The following FRZB variants were observed in gnomAD, a reference collection of about 807,000 sequenced individuals.
The protein encoded by FRZB is frizzled related protein, also known as secreted frizzled-related protein 3.
Under a neutral mutation model 32.5 loss-of-function variants are expected in FRZB, and 34 were observed. The observed-to-expected ratio is 1.05, with a 90% confidence interval of 0.80 to 1.39. FRZB has a LOEUF of 1.39. FRZB is among the 40% of genes most tolerant of loss of function. The pLI, the probability that FRZB is intolerant of heterozygous loss-of-function variation, is 0.00. For missense variants in FRZB, 423 were observed against 424.8 expected (o/e 1.00, Z 0.04); for synonymous variants, 170 against 159.2 (o/e 1.07, Z -0.51).
chr2:182,853,090 CT>C (rs1695727550), intron 2 of FRZB, among the ~76,000 whole-genome samples: 1 of 152,050 alleles, frequency 6.6e-6, no homozygotes, highest in South Asian at 2.1e-4. Context: ...ATTATATTTC[CT>C]TTTCAGAACA....
chr2:182,861,052 A>G (rs1695826718), intron 1 of FRZB, among the ~76,000 whole-genome samples: 1 of 152,164 alleles, frequency 6.6e-6, no homozygotes, highest in South Asian at 2.1e-4. Flanking sequence ...AATCTCTACT[A>G]TCTCAAAATT....
chr2:182,842,751 GAACGAGTTTCCA>G (rs1275267505), intron 2 of FRZB, among the ~76,000 whole-genome samples: 1 of 152,066 alleles, frequency 6.6e-6, no homozygotes, highest in Admixed American at 6.6e-5. Flanking sequence ...ATGCTCATGA[GAACGAGTTTCCA>G]TTCTCAACAA....
rs1347089716 is a variant in FRZB at position 182,834,695 on chromosome 2, CAA to C, written c.*152_*153del. ...GTTGAGAGAAGAGAGAAGCAGAAAC[CAA>C]AAGAGAAACAGAAGTAATAATCAGT... On this transcript the variant is annotated 3_prime_UTR_variant, in exon 6 of 6. Transcript: ENST00000295113. 2 of 650,876 alleles carry C rather than the reference CAA, an allele frequency of 3.1e-6. No individual in the cohort carries two copies. Among genetic ancestry groups the C allele is most frequent in the Non-Finnish European group, 5.6e-6 (2 of 358,778 alleles). 40.3% of individuals were successfully genotyped at this position (650,876 alleles called of 1,614,324 possible).
At chr2:182,856,954 C>T (rs1271234854) in intron 2 of FRZB, among the ~76,000 whole-genome samples, 1 of 151,908 alleles carries the variant, frequency 6.6e-6, no homozygotes, top group Non-Finnish European at 1.5e-5. Flanking sequence ...CAGTATTAAT[C>T]AACTAAATTG....
intron 2 of FRZB, among the ~76,000 whole-genome samples, chr2:182,850,269 G>C (rs1457541943): frequency 1.3e-5 from 2 of 152,152 alleles, no homozygotes; most frequent in Non-Finnish European, 2.9e-5. Context: ...TGTACAAGTA[G>C]ATTATTGTTA....
chr2:182,850,886 T>C (rs1695702867), intron 2 of FRZB, among the ~76,000 whole-genome samples: 1 of 152,242 alleles, frequency 6.6e-6, no homozygotes, highest in African/African-American at 2.4e-5. Flanking sequence ...CGCTACCGTC[T>C]ATTGTTCCAT....
chr2:182,846,016 C>T (rs1695635698), intron 2 of FRZB, among the ~76,000 whole-genome samples: 1 of 152,204 alleles, frequency 6.6e-6, no homozygotes, highest in South Asian at 2.1e-4. Context: ...CAGTGAACAG[C>T]CTTGCTGCCT....
chr2:182,866,309 G>A lies in FRZB; in HGVS notation c.244C>T (p.Pro82Ser), dbSNP rs767399953. The change falls in exon 1 of 6, where the codon CCC becomes TCC. Residue 82 changes from proline (P) to serine (S), a missense_variant. By Grantham distance (74) the Pro-to-Ser change is moderately conservative. Transcript: ENST00000295113. This position sits in a 1 kb window ranked among gnomAD's most constrained non-coding sequence, Gnocchi z 4.5. ...GCACAGAGGAAGAAGAGCAGATCGG[G>A]GCTGCAGTGGGTGCCCAGCAGACCT... ...FEGLLGTHCS[P>S]DLLFFLCAMY... 1.3e-5 allele frequency: 21 copies of A among 1,614,120 alleles called. No homozygotes were observed. The South Asian group carries it at 2.1e-4, about 16-fold the overall frequency.
chr2:182,850,116 A>T (rs1208908516), intron 2 of FRZB, among the ~76,000 whole-genome samples: 1 of 152,244 alleles, frequency 6.6e-6, no homozygotes, highest in Non-Finnish European at 1.5e-5. Flanking sequence ...TTATTAATAC[A>T]TAATAGATGG....
intron 2 of FRZB, 148 bp from the exon 3 acceptor site, chr2:182,842,691 A>C: frequency 1.7e-6 from 1 of 604,668 alleles, no homozygotes; most frequent in Non-Finnish European, 3.0e-6. Context: ...TTTCTCCTGG[A>C]ACTACATTCA....
rs749714954 is a variant in FRZB, at chr2:182,866,477, G to A, written c.76C>T (p.Arg26Trp). ...GCTGCAGCCCGAGCCCCGGGCACCC[G>A]GAGCAGGCAGAGAGCAGCCAGGGCA... is the stretch of plus-strand genomic sequence containing the variant. ...LLALAALCLL[R>W]VPGARAAACE... Residue 26 changes from arginine to tryptophan, a missense_variant, in exon 1 of 6, where the codon CGG becomes TGG. Coordinates refer to ENST00000295113, the MANE Select transcript of FRZB (RefSeq NM_001463.4). This position sits in a 1 kb window ranked among gnomAD's most constrained non-coding sequence, Gnocchi z 4.5. 3.9e-6 allele frequency: 6 copies of A among 1,556,288 alleles called. No homozygotes were observed. The highest frequency in any genetic ancestry group is 2.7e-5 in the African/African-American group (2 of 74,060).
In FRZB at chr2:182,840,067, TTC is replaced by T. The variant is rs1695570813; in HGVS notation, c.593-1456_593-1455del. Among the ~76,000 whole-genome samples, 6 of 152,252 alleles carry T rather than the reference TTC, an allele frequency of 3.9e-5. No homozygotes were observed. In the East Asian group the frequency reaches 1.2e-3, roughly 29 times the overall value. ...CTAAGGAATTCTAAAAGCTTCACATTTCAGTCTTCCGAGAATTAGTTGCCTCA... is the reference window on the plus strand; with the variant it reads ...CTAAGGAATTCTAAAAGCTTCACATTAGTCTTCCGAGAATTAGTTGCCTCA... On this transcript the variant is annotated intron_variant, in intron 3 of 5. Coordinates refer to ENST00000295113, the MANE Select transcript of FRZB (RefSeq NM_001463.4).
intron 1 of FRZB, among the ~76,000 whole-genome samples, chr2:182,865,608 T>G (rs1330457695): frequency 8.5e-5 from 13 of 152,172 alleles, no homozygotes; most frequent in Non-Finnish European, 1.9e-4. Flanking sequence ...TTCTGTTTCC[T>G]CCACACAATC....
In FRZB at chr2:182,833,971, C is replaced by G. The variant is rs1289389812; in HGVS notation, c.*878G>C. ...ATACATAATCTTTTCCTGGTCAATA[C>G]GGCAATTCTGATTTATTTTAAAAGA... On this transcript the variant is annotated 3_prime_UTR_variant, in exon 6 of 6. Coordinates refer to ENST00000295113, the MANE Select transcript of FRZB (RefSeq NM_001463.4). 1 of 151,744 alleles carries G rather than the reference C, an allele frequency of 6.6e-6. No individual in the cohort carries two copies. Among genetic ancestry groups the G allele is most frequent in the Non-Finnish European group, 1.5e-5 (1 of 67,978 alleles). 9.4% of individuals were successfully genotyped at this position (151,744 alleles called of 1,614,324 possible).
chr2:182,851,120 T>C (rs1235954390), intron 2 of FRZB, among the ~76,000 whole-genome samples: 1 of 152,236 alleles, frequency 6.6e-6, no homozygotes, highest in East Asian at 1.9e-4. Context: ...TATATTCTGG[T>C]TATTAAGCTC....
chr2:182,844,703 A>G (rs1695621852), intron 2 of FRZB, among the ~76,000 whole-genome samples: 1 of 152,182 alleles, frequency 6.6e-6, no homozygotes, highest in African/African-American at 2.4e-5. Context: ...ATTCCATAAA[A>G]CTTTCCAGGC....
chr2:182,857,243 T>C (rs772050645), intron 2 of FRZB, among the ~76,000 whole-genome samples: 1 of 152,126 alleles, frequency 6.6e-6, no homozygotes, highest in Non-Finnish European at 1.5e-5. Flanking sequence ...TATTTTGAAC[T>C]GAAGAAAAAT....
intron 1 of FRZB, among the ~76,000 whole-genome samples, 193 bp from the exon 2 acceptor site, chr2:182,859,026 A>G (rs1455831571): frequency 6.6e-6 from 1 of 152,036 alleles, no homozygotes; most frequent in Non-Finnish European, 1.5e-5. Flanking sequence ...TTATTTTTTC[A>G]TGTGGTTATA....
intron 3 of FRZB, among the ~76,000 whole-genome samples, chr2:182,841,296 T>G (rs1349388035): frequency 6.6e-6 from 1 of 152,148 alleles, no homozygotes; most frequent in Non-Finnish European, 1.5e-5. Flanking sequence ...CCCAAAATTT[T>G]CAACTTTATA....
Sources: allele counts gnomAD v4.1 joint callset (sites outside exome capture counted in the v4.1 genomes callset), GRCh38; gene constraint gnomAD v4.1.1; non-coding constraint Gnocchi (gnomAD v3.1); transcripts MANE v1.5; gene names NCBI Gene and HGNC (gene_info 2026-07-23, HGNC 2026-07-21).